PCDHGB1: variants seen among roughly 807,000 people sequenced by gnomAD.
PCDHGB1 encodes protocadherin gamma-B1.
Under a neutral mutation model 56.6 loss-of-function variants are expected in PCDHGB1, and 34 were observed. The ratio of observed to expected loss-of-function variants is 0.60; its 90% CI spans 0.46 to 0.80. The LOEUF is 0.80. Among genes scored for constraint, PCDHGB1 ranks in the 30% least tolerant of loss-of-function variants. The pLI is 0.00. For missense variants in PCDHGB1, 1,278 were observed against 1,204.6 expected, an observed-to-expected ratio of 1.06 and a Z score of -0.90; for synonymous variants, 561 against 505.9, an observed-to-expected ratio of 1.11 and a Z score of -1.46.
chr5:141,387,765 T>C, intron 1 of PCDHGB1: 1 of 1,431,622 alleles, frequency 7.0e-7, no homozygotes, highest in East Asian at 2.5e-5. Flanking sequence ...AAAAGAAGAA[T>C]TTTTTCTTGA....
rs368884524 is a variant in PCDHGB1 at position 141,409,933 on chromosome 5, G to A, written c.2409+57264G>A. On this transcript the variant is annotated intron_variant, in intron 1 of 3. Coordinates refer to ENST00000523390, the MANE Select transcript of PCDHGB1 (RefSeq NM_018922.3). ...CTGACGGCTCCGCGTTCTTCGATAT[G>A]GTACCTCGCTCTGCAGAGCCCGGCT... 50 of 1,613,236 alleles carry A rather than the reference G, an allele frequency of 3.1e-5. No homozygotes were observed. The highest frequency in any genetic ancestry group is 4.1e-5 in the Non-Finnish European group (48 of 1,179,790).
chr5:141,399,412 T>C (rs1473017519), intron 1 of PCDHGB1: 3 of 1,613,948 alleles, frequency 1.9e-6, no homozygotes, highest in East Asian at 4.5e-5. Context: ...GCCGCCCCTC[T>C]CCTCCAGCAT....
Position 141,405,419 on chromosome 5 carries a change from TTTG to T in PCDHGB1, c.2409+52753_2409+52755del, listed in dbSNP as rs372094745. On this transcript the variant is annotated intron_variant, in intron 1 of 3. Transcript: ENST00000523390. ...CTTTCTTTCTTTTCTTTTTTTGTTT[TTTG>T]TTTTGTTTTGTTTTTGAGACAGAGT... The T allele has an allele frequency of 6.8e-4, 1,019 of 1,509,010 alleles. 10 individuals are homozygous for T. In the African/African-American group the frequency reaches 0.012, roughly 18 times the overall value. The allele number at this position is 1,509,010 out of a possible 1,614,324, so 93.5% of individuals were successfully genotyped here.
chr5:141,431,709 T>C lies in PCDHGB1; in HGVS notation c.2410-63098T>C. On this transcript the variant is annotated intron_variant, in intron 1 of 3. Coordinates refer to ENST00000523390, the MANE Select transcript of PCDHGB1 (RefSeq NM_018922.3). This position sits in a 1 kb window ranked among gnomAD's most constrained non-coding sequence, Gnocchi z 4.8. ...CACGAGGAGTCAGGATTCTACCAGA[T>C]GGAAGTGCAAGCAATGGATAATGCA... The C allele has an allele frequency of 6.2e-7, 1 of 1,614,168 alleles. No individual in the cohort carries two copies. Among genetic ancestry groups the C allele is most frequent in the Non-Finnish European group, 8.5e-7 (1 of 1,180,018 alleles).
In PCDHGB1 at chr5:141,491,835, G is replaced by C; in HGVS notation, c.2410-2972G>C. On this transcript the variant is annotated intron_variant, in intron 1 of 3. Coordinates refer to ENST00000523390, the MANE Select transcript of PCDHGB1 (RefSeq NM_018922.3). The surrounding 1 kb of genome is among the most constrained non-coding windows in gnomAD (Gnocchi z 6.9). The stretch of plus-strand genomic sequence containing the variant: ...GCTGGCTGCGCTCCACCCGATTCTC[G>C]GGATCATTGGACCGTTTGCGCGAAA... 1 of 1,473,258 alleles carries C rather than the reference G, an allele frequency of 6.8e-7. No individual in the cohort carries two copies. The highest frequency in any genetic ancestry group is 9.0e-7 in the Non-Finnish European group (1 of 1,112,098). The allele number at this position is 1,473,258 out of a possible 1,614,324, so 91.3% of individuals were successfully genotyped here.
At position 141,403,603 on chromosome 5, in the gene PCDHGB1, C is replaced by T. The variant is rs2094431906; in HGVS notation, c.2409+50934C>T. On this transcript the variant is annotated intron_variant, in intron 1 of 3. Coordinates refer to ENST00000523390, the MANE Select transcript of PCDHGB1 (RefSeq NM_018922.3). ...ACCTGGTCCTCACGGCCTCGGATGG[C>T]GGCGAGCCGCGTCGCTCCAGCACAG... 4 of 1,613,762 alleles carry T rather than the reference C, an allele frequency of 2.5e-6. No individual in the cohort carries two copies. The East Asian group carries it at 8.9e-5, about 36-fold the overall frequency.
At chr5:141,357,941 ACAC>A (rs1447440332) in intron 1 of PCDHGB1, among the ~76,000 whole-genome samples, 4 of 152,096 alleles carry the variant, frequency 2.6e-5, no homozygotes. Flanking sequence ...TGTAATCCTA[ACAC>A]TTTGGGAGTG....
At position 141,405,389 on chromosome 5, in the gene PCDHGB1, T is replaced by C. The variant is rs577174600; in HGVS notation, c.2409+52720T>C. ...CCCTTTGGTTCCGGTGAGTTCATTT[T>C]TTTTCTTTCTTTCTTTTCTTTTTTT... On this transcript the variant is annotated intron_variant, in intron 1 of 3. Transcript: ENST00000523390. The C allele has an allele frequency of 2.5e-6, 4 of 1,600,534 alleles. No individual in the cohort carries two copies. The East Asian group carries it at 6.7e-5, about 27-fold the overall frequency.
chr5:141,402,100 A>G (rs1589449876), intron 1 of PCDHGB1, among the ~76,000 whole-genome samples: 1 of 152,220 alleles, frequency 6.6e-6, no homozygotes, highest in South Asian at 2.1e-4. Flanking sequence ...AGTTTAAGCA[A>G]TTACAAAAAT....
Position 141,419,271 on chromosome 5 carries a change from T to C in PCDHGB1, c.2409+66602T>C, listed in dbSNP as rs2096352878. 4 of 1,613,902 alleles carry C rather than the reference T, an allele frequency of 2.5e-6. No homozygotes were observed. In the South Asian group the frequency reaches 3.3e-5, roughly 13 times the overall value. ...GAAAACAACCAGCCGGGTGCCTCCA[T>C]AGCGCAAGTCAGTGCCTCTGACCCA... On this transcript the variant is annotated intron_variant, in intron 1 of 3. Transcript: ENST00000523390.
chr5:141,372,920 T>A (rs1390656899), intron 1 of PCDHGB1: 22 of 1,005,592 alleles, frequency 2.2e-5, no homozygotes, highest in Non-Finnish European at 3.0e-5. Context: ...ATTTTATTGA[T>A]TTTCTGGTGT....
At position 141,355,200 on chromosome 5, in the gene PCDHGB1, A is replaced by G. The variant is rs1351394647; in HGVS notation, c.2409+2531A>G. ...ACAGGCGACTCCGCGGCGGGGTTGT[A>G]ATGGCGGCGCCTCCTGCTCGCCCAG... On this transcript the variant is annotated intron_variant, in intron 1 of 3. Transcript: ENST00000523390. 11 of 1,596,952 alleles carry G rather than the reference A, an allele frequency of 6.9e-6. No homozygotes were observed. The East Asian group carries it at 2.2e-4, about 32-fold the overall frequency.
Position 141,352,635 on chromosome 5 carries a change from A to G in PCDHGB1, c.2375A>G (p.His792Arg), listed in dbSNP as rs1269276084. 1 of 1,610,146 alleles carries G rather than the reference A, an allele frequency of 6.2e-7. No homozygotes were observed. The highest frequency in any genetic ancestry group is 1.1e-5 in the South Asian group (1 of 90,656). ...GTTGTATGTGCCAGTAATGAAGATCACAAAATCGCTTATGACCCTTCTTTG... is the reference window on the plus strand; with the variant it reads ...GTTGTATGTGCCAGTAATGAAGATCGCAAAATCGCTTATGACCCTTCTTTG... ...SMVVCASNEDHKIAYDPSLSS... is the reference protein window; with the variant it reads ...SMVVCASNEDRKIAYDPSLSS... Residue 792 changes from histidine (H) to arginine (R), a missense_variant, in exon 1 of 4, where the codon CAC (histidine) becomes CGC (arginine). Transcript: ENST00000523390.
intron 1 of PCDHGB1, among the ~76,000 whole-genome samples, chr5:141,457,863 C>A (rs2098930968): frequency 6.6e-6 from 1 of 152,194 alleles, no homozygotes; most frequent in Non-Finnish European, 1.5e-5. Flanking sequence ...TCTTCACTGA[C>A]CACAGGTTAG....
chr5:141,360,130 C>T lies in PCDHGB1; in HGVS notation c.2409+7461C>T, dbSNP rs769543573. On this transcript the variant is annotated intron_variant, in intron 1 of 3. Transcript: ENST00000523390. ...CTATGGGCAAAGGAGCAAAGGGAGCCAGAAGATGAAAGCGAGCTCAGGGAG... is the reference window on the plus strand; with the variant it reads ...CTATGGGCAAAGGAGCAAAGGGAGCTAGAAGATGAAAGCGAGCTCAGGGAG... 2.5e-6 allele frequency: 4 copies of T among 1,588,304 alleles called. No homozygotes were observed. In the Admixed American group the frequency reaches 7.0e-5, roughly 28 times the overall value.
intron 1 of PCDHGB1, among the ~76,000 whole-genome samples, chr5:141,379,889 C>CTTTTTTTTTGTTTTTTTTTTTTTTTTT (rs1775948001): frequency 2.0e-5 from 1 of 50,830 alleles, no homozygotes; most frequent in Non-Finnish European, 3.9e-5. Context: ...GTGAAAGCCT[C>CTTTTTTTTTGTTTTTTTTTTTTTTTTT]TTTTTTTTTT....
At chr5:141,417,710 TC>T (rs1471403767) in intron 1 of PCDHGB1, 1 of 1,249,228 alleles carries the variant, frequency 8.0e-7, no homozygotes, top group Non-Finnish European at 1.1e-6. Flanking sequence ...ACACAGAGGC[TC>T]CCGGCTGCGC....
chr5:141,415,514 C>G, intron 1 of PCDHGB1: 2 of 1,614,178 alleles, frequency 1.2e-6, no homozygotes, highest in Non-Finnish European at 8.5e-7. Flanking sequence ...CCCAATTATG[C>G]GGACACGCTC....
Position 141,489,640 on chromosome 5 carries a change from G to A in PCDHGB1, c.2410-5167G>A. The A allele has an allele frequency of 1.2e-6, 2 of 1,614,146 alleles. No individual in the cohort carries two copies. Among genetic ancestry groups the A allele is most frequent in the Non-Finnish European group, 1.7e-6 (2 of 1,180,010 alleles). Reference sequence around the variant, plus strand: ...TCTCAATGACAACTCTCCTAGCTTTGCCACCCCTGAGCGAGAGATGCGCAT... The same window carrying A: ...TCTCAATGACAACTCTCCTAGCTTTACCACCCCTGAGCGAGAGATGCGCAT... On this transcript the variant is annotated intron_variant, in intron 1 of 3. Transcript: ENST00000523390. The surrounding 1 kb of genome is among the most constrained non-coding windows in gnomAD (Gnocchi z 4.5).
Sources: allele counts gnomAD v4.1 joint callset (sites outside exome capture counted in the v4.1 genomes callset), GRCh38; gene constraint gnomAD v4.1.1; non-coding constraint Gnocchi (gnomAD v3.1); transcripts MANE v1.5; gene names NCBI Gene and HGNC (gene_info 2026-07-23, HGNC 2026-07-21).